MRPS28: variants seen among roughly 807,000 people sequenced by gnomAD.
The protein encoded by MRPS28 is mitochondrial ribosomal protein S28, also known as small ribosomal subunit protein bS1m.
Under a neutral mutation model 10.8 loss-of-function variants are expected in MRPS28, and 7 were observed. The observed-to-expected ratio is 0.65, with a 90% CI of 0.37 to 1.22. MRPS28 has a LOEUF of 1.22. Among genes scored for constraint, MRPS28 ranks in the 50% most tolerant of loss-of-function variants. MRPS28 has a pLI of 0.02. For synonymous variants in MRPS28, 121 were observed against 93.3 expected, an observed-to-expected ratio of 1.30 and a Z score of -1.71; for missense variants, 265 against 232.9, an observed-to-expected ratio of 1.14 and a Z score of -0.90.
At chr8:79,985,233 CAA>C (rs1808117847) in intron 2 of MRPS28, among the ~76,000 whole-genome samples, 1 of 152,124 alleles carries the variant, frequency 6.6e-6, no homozygotes, top group Non-Finnish European at 1.5e-5. Context: ...CCAACAAGAA[CAA>C]AGACACAACA....
intron 1 of MRPS28, chr8:80,028,888 G>A (rs773665521): frequency 8.5e-5 from 13 of 153,152 alleles, no homozygotes; most frequent in African/African-American, 2.2e-4. Context: ...TTGAGCCCAG[G>A]GGGTTTAGCA....
At chr8:79,953,750 T>A (rs1807136884) in intron 2 of MRPS28, among the ~76,000 whole-genome samples, 1 of 151,796 alleles carries the variant, frequency 6.6e-6, no homozygotes, top group South Asian at 2.1e-4. Context: ...CACAAAAGAG[T>A]GAAAAGGCAA....
intron 2 of MRPS28, among the ~76,000 whole-genome samples, chr8:79,925,216 C>T (rs950510750): frequency 1.3e-5 from 2 of 151,140 alleles, no homozygotes; most frequent in Non-Finnish European, 2.9e-5. Context: ...ATTTTTGCTA[C>T]CTGAGTTATT....
At chr8:80,000,623 T>C (rs1234565653) in intron 2 of MRPS28, among the ~76,000 whole-genome samples, 2 of 152,204 alleles carry the variant, frequency 1.3e-5, no homozygotes, top group Admixed American at 6.5e-5. Context: ...ATAAATGTTG[T>C]AATAGATGCC....
chr8:79,963,531 CA>C (rs1322759418), intron 2 of MRPS28, among the ~76,000 whole-genome samples: 3 of 152,082 alleles, frequency 2.0e-5, no homozygotes, highest in African/African-American at 7.2e-5. Context: ...ACCCCCTTTC[CA>C]AACATTCTCT....
In MRPS28 at chr8:79,919,037, G is replaced by A. The variant is rs754107385; in HGVS notation, c.507C>T (p.Leu169=). The change falls in exon 3 of 3, where the codon CTC becomes CTT. Residue 169 remains leucine (L), a synonymous_variant. Coordinates refer to ENST00000276585, the MANE Select transcript of MRPS28 (RefSeq NM_014018.3). ...AGTCTTTACTCTCCTGGATTCCCAA[G>A]AGAACTGCATTAGCCTCTAGTACAG... ...DTTVLEANAV[L]LGIQESKDSR... 4 of 1,599,478 alleles carry A rather than the reference G, an allele frequency of 2.5e-6. No individual in the cohort carries two copies. The highest frequency in any genetic ancestry group is 1.7e-6 in the Non-Finnish European group (2 of 1,174,204).
intron 2 of MRPS28, among the ~76,000 whole-genome samples, chr8:79,939,920 A>C (rs558218208): frequency 2.1e-4 from 32 of 151,856 alleles, no homozygotes; most frequent in African/African-American, 6.5e-4. Flanking sequence ...CAGTGAGCGG[A>C]GATCACGCCA....
chr8:80,003,797 G>A (rs774016080), intron 1 of MRPS28, among the ~76,000 whole-genome samples: 27 of 152,304 alleles, frequency 1.8e-4, no homozygotes, highest in Admixed American at 3.3e-4. Flanking sequence ...TTAATAGTGC[G>A]CTTTTCCAAT....
chr8:79,948,979 T>C (rs1807006440), intron 2 of MRPS28, among the ~76,000 whole-genome samples: 1 of 152,228 alleles, frequency 6.6e-6, no homozygotes, highest in Admixed American at 6.5e-5. Flanking sequence ...GCTATCATTA[T>C]GAGTCAATAA....
chr8:80,015,111 T>C (rs959467920), intron 1 of MRPS28, among the ~76,000 whole-genome samples: 11 of 152,260 alleles, frequency 7.2e-5, no homozygotes, highest in South Asian at 2.1e-4. Flanking sequence ...GACTCAGTTA[T>C]TGGGGACTCT....
At chr8:79,948,186 G>A (rs1425913308) in intron 2 of MRPS28, among the ~76,000 whole-genome samples, 19 of 151,472 alleles carry the variant, frequency 1.3e-4, no homozygotes, top group Admixed American at 1.2e-3. Flanking sequence ...ACGGGGTTTC[G>A]CTGTGTTGGC....
intron 2 of MRPS28, among the ~76,000 whole-genome samples, chr8:79,968,512 T>C (rs1807554297): frequency 6.6e-6 from 1 of 151,936 alleles, no homozygotes; most frequent in Admixed American, 6.6e-5. Flanking sequence ...TAATATAAAG[T>C]CCAGACTCCC....
intron 2 of MRPS28, among the ~76,000 whole-genome samples, chr8:79,982,583 T>G (rs867197361): frequency 2.1e-4 from 32 of 152,228 alleles, no homozygotes; most frequent in Middle Eastern, 3.4e-3. Context: ...TTTCCGACGG[T>G]CTTAAAAAAC....
chr8:80,021,861 C>T (rs1006918967), intron 1 of MRPS28, among the ~76,000 whole-genome samples: 1 of 152,202 alleles, frequency 6.6e-6, no homozygotes, highest in Non-Finnish European at 1.5e-5. Context: ...TGCACCCTTA[C>T]CCAGGGCTCC....
Position 80,003,153 on chromosome 8 carries a change from C to A in MRPS28, c.241G>T (p.Ala81Ser), listed in dbSNP as rs866289612. ...AGAGGAGAATGTCTCAGCATAGATG[C>A]AAAGGATTCCACATTTTTTGGAGAA... Reference protein sequence around the residue: ...KGSPKNVESFASMLRHSPLTQ... With the variant: ...KGSPKNVESFSSMLRHSPLTQ... Residue 81 changes from alanine (A) to serine (S), a missense_variant, in exon 2 of 3, where the codon GCA (alanine) becomes TCA (serine). Transcript: ENST00000276585. 5 of 1,591,004 alleles carry A rather than the reference C, an allele frequency of 3.1e-6. No individual in the cohort carries two copies. The highest frequency in any genetic ancestry group is 1.2e-5 in the South Asian group (1 of 86,058).
At chr8:79,920,576 T>C (rs140531069) in intron 2 of MRPS28, among the ~76,000 whole-genome samples, 1 of 152,358 alleles carries the variant, frequency 6.6e-6, no homozygotes, top group Middle Eastern at 3.4e-3. Flanking sequence ...GTCTTTTGGT[T>C]GCATAAATGT....
intron 2 of MRPS28, among the ~76,000 whole-genome samples, chr8:79,972,742 C>G (rs993938679): frequency 6.6e-6 from 1 of 152,202 alleles, no homozygotes; most frequent in Non-Finnish European, 1.5e-5. Context: ...ACACAAAACT[C>G]AGATTCAGAG....
chr8:80,030,187 A>G lies in MRPS28; in HGVS notation c.62T>C (p.Leu21Pro). 6.2e-7 allele frequency: 1 copy of G among 1,614,244 alleles called. No individual in the cohort carries two copies. Among genetic ancestry groups the G allele is most frequent in the Non-Finnish European group, 8.5e-7 (1 of 1,180,048 alleles). ...AAESHFLRVF[L>P]FFRPFRGVGT... Reference sequence around the variant, plus strand: ...TACACCCCGAAAGGGCCTGAAGAAGAGAAACACTCGCAGAAAATGGCTCTC... The same window carrying G: ...TACACCCCGAAAGGGCCTGAAGAAGGGAAACACTCGCAGAAAATGGCTCTC... The change falls in exon 1 of 3, where the codon CTC becomes CCC. Residue 21 changes from leucine to proline, a missense_variant. Physicochemically the swap from Leu to Pro is moderately conservative, Grantham distance 98. Transcript: ENST00000276585.
intron 2 of MRPS28, among the ~76,000 whole-genome samples, chr8:79,948,285 C>A (rs1379639756): frequency 6.6e-6 from 1 of 152,122 alleles, no homozygotes; most frequent in Non-Finnish European, 1.5e-5. Flanking sequence ...CTGTGCCCAG[C>A]CAAATTTTTC....
Sources: gnomAD v4.1 joint callset for allele counts (sites outside exome capture counted in the v4.1 genomes callset) on GRCh38, gnomAD v4.1.1 for gene constraint, MANE v1.5 for transcripts, NCBI Gene and HGNC (gene_info 2026-07-23, HGNC 2026-07-21) for gene names.